TTC39C: variants seen among roughly 807,000 people sequenced by gnomAD.
The protein encoded by TTC39C is tetratricopeptide repeat domain 39C.
Under a neutral mutation model 76.3 loss-of-function variants are expected in TTC39C, and 33 were observed. The ratio of observed to expected loss-of-function variants is 0.43; its 90% CI spans 0.33 to 0.58. TTC39C has a LOEUF of 0.58. Ranked by LOEUF, TTC39C falls within the 20% of genes least tolerant of loss-of-function variation. TTC39C has a pLI of 0.04. For missense variants in TTC39C, 595 were observed against 701.4 expected, an observed-to-expected ratio of 0.85 and a Z score of 1.71; for synonymous variants, 254 against 260.6, an observed-to-expected ratio of 0.97 and a Z score of 0.24.
chr18:24,119,550 A>C (rs985057660), intron 8 of TTC39C, among the ~76,000 whole-genome samples: 11 of 152,340 alleles, frequency 7.2e-5, no homozygotes, highest in Non-Finnish European at 1.6e-4. Flanking sequence ...GCATCGGTCC[A>C]TTAGCAAATG....
At chr18:24,104,550 G>A (rs950819638) in intron 6 of TTC39C, among the ~76,000 whole-genome samples, 1 of 152,112 alleles carries the variant, frequency 6.6e-6, no homozygotes, top group African/African-American at 2.4e-5. Flanking sequence ...CTACGTGAAG[G>A]GGTTTCCTTA....
At chr18:24,113,278 C>T (rs773262857) in intron 6 of TTC39C, 26 of 388,760 alleles carry the variant, frequency 6.7e-5, no homozygotes, top group Non-Finnish European at 6.5e-5. Context: ...ACAGTGTTCC[C>T]GAGTCACAGG....
At chr18:24,085,983 C>T (rs1346722975) in intron 6 of TTC39C, among the ~76,000 whole-genome samples, 1 of 152,188 alleles carries the variant, frequency 6.6e-6, no homozygotes, top group Non-Finnish European at 1.5e-5. Context: ...CCATGTCATC[C>T]TTCATTTGCA....
chr18:24,011,004 C>T (rs1054077073), upstream of TTC39C, among the ~76,000 whole-genome samples: 2 of 152,164 alleles, frequency 1.3e-5, no homozygotes, highest in African/African-American at 2.4e-5. Context: ...GCCATGATCT[C>T]GCCCCTGCAT....
At chr18:24,035,452 T>A (rs2083720019) in intron 1 of TTC39C, among the ~76,000 whole-genome samples, 2 of 152,228 alleles carry the variant, frequency 1.3e-5, no homozygotes, top group African/African-American at 4.8e-5. Context: ...TGCCAACAGT[T>A]TTCTTGATTT....
At chr18:24,069,425 CA>C (rs1481403806) in intron 4 of TTC39C, among the ~76,000 whole-genome samples, 154 bp downstream of exon 4, 1 of 152,164 alleles carries the variant, frequency 6.6e-6, no homozygotes, top group African/African-American at 2.4e-5. Context: ...ATTGAAACCA[CA>C]AGTGTTTAAT....
chr18:24,045,927 A>ATATATATATATATATATATTTTTTTT (rs1568417525), intron 1 of TTC39C, among the ~76,000 whole-genome samples: 1 of 25,678 alleles, frequency 3.9e-5, no homozygotes, highest in African/African-American at 1.7e-4. Flanking sequence ...ATATATATAT[A>ATATATATATATATATATATTTTTTTT]TTTTTTTTTT....
Position 24,125,454 on chromosome 18 carries a change from A to G in TTC39C, c.1324A>G (p.Thr442Ala), listed in dbSNP as rs777006496. ...KAERFRKQTPTKALCVLASIE... is the reference protein window; with the variant it reads ...KAERFRKQTPAKALCVLASIE... Reference sequence around the variant, plus strand: ...AGAGCGATTTCGGAAGCAAACCCCAACCAAAGCGCTCTGTGTGTTGGCGTC... The same window carrying G: ...AGAGCGATTTCGGAAGCAAACCCCAGCCAAAGCGCTCTGTGTGTTGGCGTC... Residue 442 changes from threonine to alanine, a missense_variant, in exon 10 of 14, where the codon ACC becomes GCC. Transcript: ENST00000317571. 3 of 1,614,148 alleles carry G rather than the reference A, an allele frequency of 1.9e-6. No individual in the cohort carries two copies. The highest frequency in any genetic ancestry group is 2.2e-5 in the South Asian group (2 of 91,078).
chr18:24,074,870 T>TATTCACTTATAGTGA (rs1458239071), intron 4 of TTC39C, among the ~76,000 whole-genome samples: 1 of 152,180 alleles, frequency 6.6e-6, no homozygotes, highest in Non-Finnish European at 1.5e-5. Flanking sequence ...ATTGCGGCAC[T>TATTCACTTATAGTGA]ATTCACAATA....
At position 24,045,379 on chromosome 18, in the gene TTC39C, G is replaced by A. The variant is rs543620918; in HGVS notation, c.168-18761G>A. Among the ~76,000 whole-genome samples the A allele has an allele frequency of 1.7e-4, 26 of 151,910 alleles. No homozygotes were observed. In the East Asian group the frequency reaches 2.5e-3, roughly 15 times the overall value. On this transcript the variant is annotated intron_variant, in intron 1 of 13. Transcript: ENST00000317571. ...TTGTGTGCACAGCAAAGTATAAGGC[G>A]CTCTGCTTTGACACACTGCCTTCCT... is the stretch of plus-strand genomic sequence containing the variant.
intron 3 of TTC39C, among the ~76,000 whole-genome samples, 195 bp from the exon 4 acceptor site, chr18:24,068,962 C>A (rs1452513894): frequency 2.0e-5 from 3 of 152,174 alleles, no homozygotes; most frequent in Non-Finnish European, 4.4e-5. Context: ...TTACAGTGCT[C>A]AAACAAACAA....
intron 6 of TTC39C, among the ~76,000 whole-genome samples, chr18:24,088,366 G>A (rs912354010): frequency 7.9e-5 from 12 of 152,208 alleles, no homozygotes; most frequent in Admixed American, 5.9e-4. Context: ...CATACACACA[G>A]ACATAGGTAA....
intron 1 of TTC39C, among the ~76,000 whole-genome samples, chr18:24,004,021 G>A (rs2083333358): frequency 1.3e-5 from 2 of 152,114 alleles, no homozygotes; most frequent in South Asian, 4.1e-4. Flanking sequence ...GGAGCACTGG[G>A]ATTACAGGGG....
upstream of TTC39C, among the ~76,000 whole-genome samples, chr18:24,012,191 G>A (rs527865404): frequency 3.3e-5 from 5 of 151,658 alleles, no homozygotes; most frequent in South Asian, 8.3e-4. Flanking sequence ...CCCTCACCAC[G>A]GGCAAATATT....
At chr18:24,053,738 A>G (rs2083981654) in intron 1 of TTC39C, among the ~76,000 whole-genome samples, 2 of 152,364 alleles carry the variant, frequency 1.3e-5, no homozygotes, top group South Asian at 4.1e-4. Flanking sequence ...TGTGGGGGCT[A>G]CATTCAGACC....
At chr18:24,112,039 C>G (rs1258954006) in intron 6 of TTC39C, among the ~76,000 whole-genome samples, 1 of 152,070 alleles carries the variant, frequency 6.6e-6, no homozygotes, top group Non-Finnish European at 1.5e-5. Flanking sequence ...GTTCTACTTG[C>G]TCTCGGCATA....
intron 6 of TTC39C, among the ~76,000 whole-genome samples, chr18:24,089,929 TAAGC>T (rs1267749376): frequency 1.3e-5 from 2 of 152,196 alleles, no homozygotes; most frequent in African/African-American, 4.8e-5. Context: ...TTTAAGATGT[TAAGC>T]AATGTCATAA....
Position 24,056,419 on chromosome 18 carries a change from A to T in TTC39C, c.168-7721A>T, listed in dbSNP as rs116254090. ...TAGAACATTTTCAGAAAAATGAAAG[A>T]CAAAAAAATTCCAGCTATTCACTAC... On this transcript the variant is annotated intron_variant, in intron 1 of 13. Coordinates refer to ENST00000317571, the MANE Select transcript of TTC39C (RefSeq NM_001135993.2). Among the ~76,000 whole-genome samples, 798 of 152,302 alleles carry T rather than the reference A, an allele frequency of 5.2e-3. 5 individuals carry two copies. The highest frequency in any genetic ancestry group is 0.017 in the African/African-American group (702 of 41,566).
At chr18:24,022,870 C>T (rs768749677) in intron 1 of TTC39C, 25 of 985,278 alleles carry the variant, frequency 2.5e-5, no homozygotes, top group Non-Finnish European at 3.0e-5. Context: ...CTTCCAGACA[C>T]GGCTCAGATT....
Sources: gnomAD v4.1 joint callset for allele counts (sites outside exome capture counted in the v4.1 genomes callset) on GRCh38, gnomAD v4.1.1 for gene constraint, MANE v1.5 for transcripts, NCBI Gene and HGNC (gene_info 2026-07-23, HGNC 2026-07-21) for gene names.